The following STX18 variants were observed in gnomAD, a reference collection of about 807,000 sequenced individuals.
The protein encoded by STX18 is syntaxin 18.
A neutral mutation model predicts 50.1 loss-of-function variants in STX18; 40 were observed. The observed-to-expected ratio is 0.80, with a 90% confidence interval of 0.62 to 1.04. STX18 has a LOEUF of 1.04. Ranked by LOEUF, STX18 falls within the 50% of genes least tolerant of loss-of-function variation. The probability of loss-of-function intolerance (pLI) is 0.00; values close to 1 mark genes in which losing one functional copy is unlikely to be tolerated. For missense variants in STX18, 410 were observed against 415.8 expected (o/e 0.99, Z 0.12); for synonymous variants, 158 against 151.8 (o/e 1.04, Z -0.30).
At chr4:4,457,635 T>C (rs1727150058) in intron 3 of STX18, 135 bp from the exon 4 acceptor site, 5 of 656,112 alleles carry the variant, frequency 7.6e-6, no homozygotes, top group Admixed American at 3.0e-5. Flanking sequence ...TTGTGCCAAG[T>C]GACACTACAT....
intron 1 of STX18, among the ~76,000 whole-genome samples, chr4:4,516,341 T>C (rs967596457): frequency 6.6e-6 from 1 of 152,224 alleles, no homozygotes; most frequent in Non-Finnish European, 1.5e-5. Context: ...TTTTAAGCAA[T>C]TTGGGCCTAT....
intron 1 of STX18, among the ~76,000 whole-genome samples, chr4:4,537,694 A>G (rs746369928): frequency 3.9e-5 from 6 of 152,224 alleles, no homozygotes; most frequent in Non-Finnish European, 7.3e-5. Context: ...AGGCACCTGC[A>G]TACCTTTTCT....
In STX18 at chr4:4,527,869, T is replaced by C. The variant is rs199960088; in HGVS notation, c.168+13928A>G. Reference sequence around the variant, plus strand: ...ATATATATACACACACACACACACATATATATATATATTAAAAACTACCTT... The same window carrying C: ...ATATATATACACACACACACACACACATATATATATATTAAAAACTACCTT... On this transcript the variant is annotated intron_variant, in intron 1 of 10. Transcript: ENST00000306200. Among the ~76,000 whole-genome samples, 55 of 129,432 alleles carry C rather than the reference T, an allele frequency of 4.2e-4. 1 individual carries two copies. The highest frequency in any genetic ancestry group is 1.6e-3 in the East Asian group (8 of 4,860). 84.9% of individuals were successfully genotyped at this position (129,432 alleles called of 152,430 possible).
intron 6 of STX18, 75 bp from the exon 7 acceptor site, chr4:4,434,933 C>T: frequency 5.0e-6 from 5 of 1,001,352 alleles, no homozygotes; most frequent in Non-Finnish European, 7.4e-6. Flanking sequence ...GTAGTCATAA[C>T]ACAAACAAGA....
intron 6 of STX18, among the ~76,000 whole-genome samples, chr4:4,436,397 C>G (rs192065304): frequency 3.3e-5 from 5 of 152,170 alleles, no homozygotes; most frequent in Admixed American, 1.3e-4. Flanking sequence ...TTTGTACTTT[C>G]ATCTACCCCC....
chr4:4,422,614 A>G (rs1577306620), intron 9 of STX18, among the ~76,000 whole-genome samples: 1 of 151,104 alleles, frequency 6.6e-6, no homozygotes, highest in Non-Finnish European at 1.5e-5. Context: ...AGAAAAAGAA[A>G]CTCCCGGTGA....
intron 7 of STX18, among the ~76,000 whole-genome samples, chr4:4,433,534 T>TAAAAAA (rs10676475): frequency 9.0e-6 from 1 of 111,070 alleles, no homozygotes; most frequent in African/African-American, 3.2e-5. Flanking sequence ...AAAAATAAAT[T>TAAAAAA]AAAAAAAAAA....
Position 4,504,667 on chromosome 4 carries a change from A to G in STX18, c.169-32961T>C, listed in dbSNP as rs1298292186. ...TTAAAAATAGGCAAAAGACTTGAAC[A>G]GACACTTCACTAAAGAAGGCAAGGG... On this transcript the variant is annotated intron_variant, in intron 1 of 10. Coordinates refer to ENST00000306200, the MANE Select transcript of STX18 (RefSeq NM_016930.4). Among the ~76,000 whole-genome samples, 4 of 152,230 alleles carry G rather than the reference A, an allele frequency of 2.6e-5. No homozygotes were observed. In the East Asian group the frequency reaches 7.7e-4, roughly 29 times the overall value.
At chr4:4,456,157 G>A (rs1461787100) in intron 5 of STX18, among the ~76,000 whole-genome samples, 1 of 152,026 alleles carries the variant, frequency 6.6e-6, no homozygotes, top group African/African-American at 2.4e-5. Flanking sequence ...GCACATGCCT[G>A]TAATCCCAGC....
chr4:4,419,690 T>C lies in STX18; in HGVS notation c.*344A>G, dbSNP rs1724825455. ...GTCTTCCTTTGAACCCTGAGACAATTAGGGGCTCTTGAGGCCTGCTGTGCC... is the reference window on the plus strand; with the variant it reads ...GTCTTCCTTTGAACCCTGAGACAATCAGGGGCTCTTGAGGCCTGCTGTGCC... On this transcript the variant is annotated 3_prime_UTR_variant, in exon 11 of 11. Transcript: ENST00000306200. The C allele has an allele frequency of 4.9e-6, 1 of 206,080 alleles. No homozygotes were observed. Among genetic ancestry groups the C allele is most frequent in the South Asian group, 1.1e-4 (1 of 8,728 alleles). 12.8% of individuals were successfully genotyped at this position (206,080 alleles called of 1,614,324 possible).
rs891080736 is a variant in STX18 at position 4,453,709 on chromosome 4, C to T, written c.497+3482G>A. ...AGAAGATATTTTTGATATATAATAT[C>T]ATAGTACTATAATTTTAAAACTAGC... On this transcript the variant is annotated intron_variant, in intron 5 of 10. Coordinates refer to ENST00000306200, the MANE Select transcript of STX18 (RefSeq NM_016930.4). 5 of 975,362 alleles carry T rather than the reference C, an allele frequency of 5.1e-6. No individual in the cohort carries two copies. In the African/African-American group the frequency reaches 8.8e-5, roughly 17 times the overall value. The allele number at this position is 975,362 out of a possible 1,614,324, so 60.4% of individuals were successfully genotyped here. A position where few individuals can be genotyped will look rare whatever the true frequency, so the allele number is the denominator to read the frequency against.
At chr4:4,442,842 G>C (rs1726195844) in intron 5 of STX18, among the ~76,000 whole-genome samples, 1 of 135,162 alleles carries the variant, frequency 7.4e-6, no homozygotes, top group Non-Finnish European at 1.6e-5. Context: ...AGGTAAAGCA[G>C]ACAGAGAAAA....
At chr4:4,534,799 C>T (rs1438448622) in intron 1 of STX18, among the ~76,000 whole-genome samples, 1 of 152,272 alleles carries the variant, frequency 6.6e-6, no homozygotes, top group African/African-American at 2.4e-5. Flanking sequence ...TGCAGGCTAT[C>T]GCTCTGCTGC....
At chr4:4,473,451 C>T (rs1201363659) in intron 1 of STX18, among the ~76,000 whole-genome samples, 1 of 151,994 alleles carries the variant, frequency 6.6e-6, no homozygotes, top group African/African-American at 2.4e-5. Context: ...CGCCACCACA[C>T]CCGGCTAATT....
At chr4:4,501,630 G>A (rs545125811) in intron 1 of STX18, among the ~76,000 whole-genome samples, 1 of 152,158 alleles carries the variant, frequency 6.6e-6, no homozygotes, top group South Asian at 2.1e-4. Context: ...CGAGTGTTTG[G>A]GATCACAGGA....
At chr4:4,516,287 T>C (rs559065156) in intron 1 of STX18, among the ~76,000 whole-genome samples, 1 of 152,338 alleles carries the variant, frequency 6.6e-6, no homozygotes, top group East Asian at 1.9e-4. Context: ...ATCTGTTAAA[T>C]GGTTTCTCAA....
At chr4:4,517,811 C>T (rs1730347152) in intron 1 of STX18, among the ~76,000 whole-genome samples, 1 of 147,698 alleles carries the variant, frequency 6.8e-6, no homozygotes, top group Non-Finnish European at 1.5e-5. Flanking sequence ...GAGTCTCGCT[C>T]TGTTGCCCAG....
chr4:4,461,866 C>T (rs1307783624), intron 2 of STX18: 1 of 456,224 alleles, frequency 2.2e-6, no homozygotes, highest in South Asian at 1.5e-5. Context: ...ATGGGGTGTG[C>T]ATATAGTCAC....
chr4:4,542,224 G>A (rs2108942756), upstream of STX18: 1 of 422,162 alleles, frequency 2.4e-6, no homozygotes, highest in East Asian at 4.1e-5. Flanking sequence ...AGCTTGGAGG[G>A]TTTAGCTGCG....
Sources: gnomAD v4.1 joint callset for allele counts (sites outside exome capture counted in the v4.1 genomes callset) on GRCh38, gnomAD v4.1.1 for gene constraint, MANE v1.5 for transcripts, NCBI Gene and HGNC (gene_info 2026-07-23, HGNC 2026-07-21) for gene names.